The following KCNIP4 variants were observed in gnomAD, a reference collection of about 807,000 sequenced individuals.
KCNIP4 encodes Kv channel-interacting protein 4.
KCNIP4 carries 12 observed loss-of-function variants against 34.0 expected under a neutral mutation model. That is an observed-to-expected ratio of 0.35 (90% CI 0.23 to 0.57). The LOEUF (loss-of-function observed/expected upper bound fraction) is 0.57. KCNIP4 is among the 20% of genes least tolerant of loss of function. The probability of loss-of-function intolerance (pLI) is 0.83; values close to 1 mark genes in which losing one functional copy is unlikely to be tolerated. For missense variants in KCNIP4, 238 were observed against 311.7 expected (o/e 0.76, Z 1.78); for synonymous variants, 124 against 102.2 (o/e 1.21, Z -1.29).
chr4:21,489,419 C>CA (rs1380674693), intron 1 of KCNIP4, among the ~76,000 whole-genome samples: 1 of 151,144 alleles, frequency 6.6e-6, no homozygotes, highest in African/African-American at 2.4e-5. Flanking sequence ...AATGACTTTT[C>CA]AAAAAACCTT....
At chr4:21,460,967 G>A (rs1055265343) in intron 1 of KCNIP4, among the ~76,000 whole-genome samples, 2 of 152,030 alleles carry the variant, frequency 1.3e-5, no homozygotes, top group South Asian at 2.1e-4. Context: ...ATACAGAAAC[G>A]GAGAGTCAAT....
At chr4:21,172,327 C>T (rs1166290393) in intron 1 of KCNIP4, among the ~76,000 whole-genome samples, 1 of 152,128 alleles carries the variant, frequency 6.6e-6, no homozygotes, top group Non-Finnish European at 1.5e-5. Flanking sequence ...CCACTGTGCC[C>T]AGCCTATTCT....
chr4:21,932,550 T>C (rs746517740), intron 1 of KCNIP4, among the ~76,000 whole-genome samples: 2 of 152,100 alleles, frequency 1.3e-5, no homozygotes, highest in Non-Finnish European at 2.9e-5. Context: ...GTCTTCTATA[T>C]CAGACTTTTC....
At chr4:20,866,622 A>G (rs999755507) in intron 2 of KCNIP4, among the ~76,000 whole-genome samples, 2 of 151,808 alleles carry the variant, frequency 1.3e-5, no homozygotes, top group Admixed American at 1.3e-4. Flanking sequence ...CACTCTCACC[A>G]CTCCTATTCA....
At chr4:20,819,890 T>G (rs188256477) in intron 3 of KCNIP4, among the ~76,000 whole-genome samples, 73 of 152,328 alleles carry the variant, frequency 4.8e-4, no homozygotes, top group Non-Finnish European at 8.2e-4. Flanking sequence ...AGCCTTGATC[T>G]TGGACTTGCC....
chr4:20,844,287 T>C (rs1223918969), intron 3 of KCNIP4, among the ~76,000 whole-genome samples: 1 of 152,178 alleles, frequency 6.6e-6, no homozygotes, highest in African/African-American at 2.4e-5. Context: ...TGGTTGGAAA[T>C]CTGACAGACA....
At chr4:20,858,225 A>G in intron 2 of KCNIP4, among the ~76,000 whole-genome samples, 1 of 85,622 alleles carries the variant, frequency 1.2e-5, no homozygotes, top group East Asian at 2.2e-4. Flanking sequence ...AAAAAAAAAA[A>G]AAAAAAAAAA....
intron 1 of KCNIP4, among the ~76,000 whole-genome samples, chr4:21,521,429 T>C (rs998647366): frequency 6.6e-6 from 1 of 152,096 alleles, no homozygotes; most frequent in Non-Finnish European, 1.5e-5. Flanking sequence ...AAGTGTCAGC[T>C]CTTGCTCTTT....
intron 1 of KCNIP4, among the ~76,000 whole-genome samples, chr4:20,968,877 G>A (rs900472046): frequency 3.3e-5 from 5 of 151,972 alleles, no homozygotes; most frequent in East Asian, 1.9e-4. Flanking sequence ...GTATACCTAC[G>A]TAACAAACCT....
intron 1 of KCNIP4, among the ~76,000 whole-genome samples, chr4:21,816,582 C>T (rs1722002342): frequency 6.6e-6 from 1 of 152,096 alleles, no homozygotes; most frequent in Non-Finnish European, 1.5e-5. Flanking sequence ...TCTCCCAGTA[C>T]ACAGCACCAC....
At chr4:20,937,961 C>T (rs879500183) in intron 1 of KCNIP4, among the ~76,000 whole-genome samples, 35 of 152,094 alleles carry the variant, frequency 2.3e-4, no homozygotes, top group Non-Finnish European at 4.4e-4. Flanking sequence ...CTTGAAAGTA[C>T]TATACAATGA....
intron 1 of KCNIP4, among the ~76,000 whole-genome samples, chr4:21,734,714 T>A (rs1314824967): frequency 1.3e-5 from 2 of 152,180 alleles, no homozygotes; most frequent in Non-Finnish European, 2.9e-5. Context: ...TAAGGAAATG[T>A]ATGATAAAAT....
In KCNIP4 at chr4:21,449,643, T is replaced by C. The variant is rs1366192151; in HGVS notation, c.61+498928A>G. Among the ~76,000 whole-genome samples the C allele has an allele frequency of 3.3e-5, 5 of 151,070 alleles. No individual in the cohort carries two copies. The East Asian group carries it at 9.7e-4, about 29-fold the overall frequency. ...AAGAAAACTTATATATATGTATATA[T>C]ATATATATACTACTTTTTACTCTTT... On this transcript the variant is annotated intron_variant, in intron 1 of 8. Transcript: ENST00000382152.
At chr4:21,440,568 T>G (rs181040966) in intron 1 of KCNIP4, among the ~76,000 whole-genome samples, 14 of 152,366 alleles carry the variant, frequency 9.2e-5, no homozygotes, top group South Asian at 4.1e-4. Context: ...AGACATTCAG[T>G]GTTGACACTG....
At chr4:20,786,361 G>T (rs1711989479) in intron 3 of KCNIP4, among the ~76,000 whole-genome samples, 1 of 152,134 alleles carries the variant, frequency 6.6e-6, no homozygotes, top group South Asian at 2.1e-4. Flanking sequence ...CAGTGTCTAG[G>T]TGTTGGGATC....
At chr4:21,885,440 T>A (rs891832962) in intron 1 of KCNIP4, among the ~76,000 whole-genome samples, 9 of 152,142 alleles carry the variant, frequency 5.9e-5, no homozygotes, top group African/African-American at 2.2e-4. Context: ...CATCTTCATT[T>A]CTTGACCCTT....
intron 1 of KCNIP4, among the ~76,000 whole-genome samples, chr4:21,398,328 T>C (rs1723181102): frequency 6.6e-6 from 1 of 151,154 alleles, no homozygotes; most frequent in Admixed American, 6.6e-5. Context: ...AAATTGAACT[T>C]AATTCCTTTA....
At chr4:21,803,855 T>C (rs1338120107) in intron 1 of KCNIP4, among the ~76,000 whole-genome samples, 2 of 152,198 alleles carry the variant, frequency 1.3e-5, no homozygotes, top group African/African-American at 4.8e-5. Context: ...AAAAGCTCCA[T>C]GAGAACTGAG....
chr4:21,570,218 A>C (rs906541848), intron 1 of KCNIP4, among the ~76,000 whole-genome samples: 1 of 152,176 alleles, frequency 6.6e-6, no homozygotes, highest in Middle Eastern at 3.2e-3. Context: ...TTCTCAGAAA[A>C]GAGTAGGTGG....
Sources: allele counts gnomAD v4.1 joint callset (sites outside exome capture counted in the v4.1 genomes callset), GRCh38; gene constraint gnomAD v4.1.1; transcripts MANE v1.5; gene names NCBI Gene and HGNC (gene_info 2026-07-23, HGNC 2026-07-21).